The following CCT4 variants were observed in gnomAD, a reference collection of about 807,000 sequenced individuals.
CCT4 encodes T-complex protein 1 subunit delta.
A neutral mutation model predicts 62.5 loss-of-function variants in CCT4; 17 were observed. The ratio of observed to expected loss-of-function variants is 0.27; its 90% CI spans 0.19 to 0.41. The LOEUF (loss-of-function observed/expected upper bound fraction) is 0.41, where lower values mean the gene tolerates loss of function less well. Among genes scored for constraint, CCT4 ranks in the 10% least tolerant of loss-of-function variants. The pLI is 1.00. For missense variants in CCT4, 592 were observed against 659.2 expected (o/e 0.90, Z 1.12); for synonymous variants, 250 against 229.9 (o/e 1.09, Z -0.79).
At position 61,885,080 on chromosome 2, in the gene CCT4, TGGGG is replaced by T; in HGVS notation, c.128-12_128-9del. On this transcript the variant is annotated splice_polypyrimidine_tract_variant and intron_variant, in intron 1 of 13. Coordinates refer to ENST00000394440, the MANE Select transcript of CCT4 (RefSeq NM_006430.4). ...TAATAGCATCAGCAACCGCTGCAGA[TGGGG>T]GGGAAAAAAAAGAAAACAAATTAGA... 1.4e-6 allele frequency: 2 copies of T among 1,419,906 alleles called. No homozygotes were observed. Among genetic ancestry groups the T allele is most frequent in the Non-Finnish European group, 1.9e-6 (2 of 1,080,816 alleles). The allele number at this position is 1,419,906 out of a possible 1,614,324, so 88.0% of individuals were successfully genotyped here. A position where few individuals can be genotyped will look rare whatever the true frequency, so the allele number is the denominator to read the frequency against.
intron 3 of CCT4, among the ~76,000 whole-genome samples, chr2:61,882,665 ACC>A (rs1297105729): frequency 2.6e-5 from 4 of 151,884 alleles, no homozygotes; most frequent in Middle Eastern, 3.4e-3. Flanking sequence ...CGCACCACAC[ACC>A]CAACTATTAT....
At chr2:61,868,736 C>A (rs1668824292) in intron 13 of CCT4, 30 bp from the exon 14 acceptor site, 1 of 1,512,240 alleles carries the variant, frequency 6.6e-7, no homozygotes, top group Non-Finnish European at 9.2e-7. Context: ...GATTTCAAAA[C>A]CTGTAATGAC....
intron 5 of CCT4, 66 bp downstream of exon 5, chr2:61,878,803 C>A: frequency 9.2e-7 from 1 of 1,081,596 alleles, no homozygotes; most frequent in South Asian, 1.5e-5. Context: ...TACCGTATAG[C>A]ATCAAGAATC....
In CCT4 at chr2:61,872,578, C is replaced by A. The variant is rs568263579; in HGVS notation, c.1136G>T (p.Cys379Phe). Residue 379 changes from cysteine (C) to phenylalanine (F), a missense_variant, in exon 11 of 14, where the codon TGT (cysteine) becomes TTT (phenylalanine). Coordinates refer to ENST00000394440, the MANE Select transcript of CCT4 (RefSeq NM_006430.4). ...TGTAACTGTTTTTCCAGGGCTGGCA[C>A]AGCCTGTAATCTTCAGTAAACAAAT... ...GSGKLLKITG[C>F]ASPGKTVTIV... 14 of 1,613,644 alleles carry A rather than the reference C, an allele frequency of 8.7e-6. No individual in the cohort carries two copies. The highest frequency in any genetic ancestry group is 1.2e-5 in the Non-Finnish European group (14 of 1,179,902).
intron 1 of CCT4, 141 bp from the exon 2 acceptor site, chr2:61,885,213 G>A (rs1669224923): frequency 1.8e-6 from 1 of 541,520 alleles, no homozygotes; most frequent in South Asian, 2.8e-5. Flanking sequence ...GAATAGCTGG[G>A]AGTATGGGAA....
chr2:61,876,941 G>C lies in CCT4; in HGVS notation c.756C>G (p.Cys252Trp), dbSNP rs759555305. 1.8e-5 allele frequency: 29 copies of C among 1,612,608 alleles called. No individual in the cohort carries two copies. The highest frequency in any genetic ancestry group is 2.4e-5 in the Non-Finnish European group (28 of 1,179,544). Residue 252 changes from cysteine to tryptophan, a missense_variant, in exon 7 of 14, where the codon TGC (cysteine) becomes TGG (tryptophan). Cys to Trp is a radical substitution (Grantham distance 215). Coordinates refer to ENST00000394440, the MANE Select transcript of CCT4 (RefSeq NM_006430.4). Reference sequence around the variant, plus strand: ...TTACGTCTGTTTTGGGAGCAGATAAGCAAAACTGAATAAGCCCAATCTTGG... The same window carrying C: ...TTACGTCTGTTTTGGGAGCAGATAACCAAAACTGAATAAGCCCAATCTTGG... ...EKAKIGLIQF[C>W]LSAPKTDMDN...
chr2:61,868,699 G>T lies in CCT4; in HGVS notation c.1613C>A (p.Thr538Asn). 1.3e-6 allele frequency: 2 copies of T among 1,591,810 alleles called. No homozygotes were observed. Among genetic ancestry groups the T allele is most frequent in the Non-Finnish European group, 1.7e-6 (2 of 1,159,884 alleles). ...SILKIDDVVN[T>N]R is the part of the protein sequence containing the mutation. The stretch of plus-strand genomic sequence containing the variant: ...GCTAGTCAGTTATCCAGATTATCGA[G>T]TGTTTACCTGATAAGAGAAAAACTT... Residue 538 changes from threonine (T) to asparagine (N), a missense_variant, in exon 14 of 14, where the codon ACT (threonine) becomes AAT (asparagine). Physicochemically the swap from Thr to Asn is moderately conservative, Grantham distance 65. Transcript: ENST00000394440.
chr2:61,884,076 TCA>T (rs1669182059), intron 2 of CCT4, among the ~76,000 whole-genome samples: 1 of 149,564 alleles, frequency 6.7e-6, no homozygotes, highest in African/African-American at 2.4e-5. Flanking sequence ...TTGTTTTATC[TCA>T]CAGAGACCCA....
At position 61,888,384 on chromosome 2, in the gene CCT4, T is replaced by C. The variant is rs760492700; in HGVS notation, c.124A>G (p.Lys42Glu). The C allele has an allele frequency of 4.3e-6, 7 of 1,612,792 alleles. No homozygotes were observed. Among genetic ancestry groups the C allele is most frequent in the Non-Finnish European group, 5.9e-6 (7 of 1,179,504 alleles). Reference protein sequence around the residue: ...QIRFSNISAAKAVADAIRTSL... With the variant: ...QIRFSNISAAEAVADAIRTSL... Reference sequence around the variant, plus strand: ...GGTCAGGCCATGAGAGTGATACCTTTGGCGGCGGAAATGTTGCTGAAGCGG... The same window carrying C: ...GGTCAGGCCATGAGAGTGATACCTTCGGCGGCGGAAATGTTGCTGAAGCGG... Residue 42 changes from lysine to glutamate, a missense_variant, in exon 1 of 14, where the codon AAA (lysine) becomes GAA (glutamate). Around this residue, in one of 3 missense-constraint regions of CCT4, gnomAD observed 67 missense variants for 71.1 expected, o/e 0.94. Coordinates refer to ENST00000394440, the MANE Select transcript of CCT4 (RefSeq NM_006430.4).
At chr2:61,884,904 G>T in intron 2 of CCT4, 116 bp downstream of exon 2, 1 of 826,804 alleles carries the variant, frequency 1.2e-6, no homozygotes. Flanking sequence ...GGGATTATAG[G>T]TGTGAGCCAC....
At chr2:61,878,208 G>C (rs78648322) in intron 5 of CCT4, among the ~76,000 whole-genome samples, 12,845 of 152,250 alleles carry the variant, frequency 0.084, 741 homozygotes, top group Non-Finnish European at 0.12. Flanking sequence ...AAAGGAAAAA[G>C]GATTAGGGGA....
At chr2:61,885,597 A>C (rs1054709736) in intron 1 of CCT4, 3 of 152,138 alleles carry the variant, frequency 2.0e-5, no homozygotes, top group Non-Finnish European at 4.4e-5. Flanking sequence ...ATTTTTTAGT[A>C]GAGATGGGGT....
intron 9 of CCT4, 36 bp downstream of exon 9, chr2:61,873,161 A>C (rs767449319): frequency 6.8e-7 from 1 of 1,460,914 alleles, no homozygotes; most frequent in Admixed American, 1.7e-5. Context: ...TCTAATTATC[A>C]GACATTTTCC....
chr2:61,886,805 G>C (rs1179064827), intron 1 of CCT4, among the ~76,000 whole-genome samples: 2 of 151,676 alleles, frequency 1.3e-5, no homozygotes, highest in Non-Finnish European at 2.9e-5. Context: ...CGTCACCCTG[G>C]CTGGAGTGCA....
intron 1 of CCT4, 115 bp from the exon 2 acceptor site, chr2:61,885,187 C>G (rs1021749039): frequency 1.1e-5 from 7 of 621,042 alleles, no homozygotes; most frequent in African/African-American, 2.0e-5. Context: ...AGCAACCCTC[C>G]CACCTCAGCC....
chr2:61,878,652 A>G (rs910940109), intron 5 of CCT4, among the ~76,000 whole-genome samples: 3 of 152,214 alleles, frequency 2.0e-5, no homozygotes, highest in Non-Finnish European at 4.4e-5. Context: ...TTAAACAGAA[A>G]AGTGGAAATG....
At position 61,873,084 on chromosome 2, in the gene CCT4, A is replaced by G. The variant is rs1440991956; in HGVS notation, c.1043T>C (p.Ile348Thr). The part of the protein sequence containing the change: ...KTIGTKPVAH[I>T]DQFTADMLGS... ...CAGCATGTCAGCAGTAAATTGGTCA[A>G]TATGAGCAACTGGCTTGGTTCCAAT... The change falls in exon 10 of 14, where the codon ATT becomes ACT. Residue 348 changes from isoleucine to threonine, a missense_variant. Around this residue, in one of 3 missense-constraint regions of CCT4, gnomAD observed 522 missense variants for 571.2 expected, o/e 0.91. Transcript: ENST00000394440. The G allele has an allele frequency of 1.2e-6, 2 of 1,611,902 alleles. No individual in the cohort carries two copies. Among genetic ancestry groups the G allele is most frequent in the Non-Finnish European group, 1.7e-6 (2 of 1,177,880 alleles).
At position 61,883,441 on chromosome 2, in the gene CCT4, A is replaced by G; in HGVS notation, c.270+18T>C. 1 of 1,155,086 alleles carries G rather than the reference A, an allele frequency of 8.7e-7. No individual in the cohort carries two copies. The highest frequency in any genetic ancestry group is 1.2e-6 in the Non-Finnish European group (1 of 807,536). The allele number at this position is 1,155,086 out of a possible 1,614,324, so 71.6% of individuals were successfully genotyped here. On this transcript the variant is annotated intron_variant, in intron 3 of 13. Transcript: ENST00000394440. ...CAAAAAAAAAAAAAAAAAAAGACTC[A>G]CCTAAAATTACACTTACCATTCTGG...
At position 61,880,299 on chromosome 2, in the gene CCT4, C is replaced by T; in HGVS notation, c.366G>A (p.Lys122=). The T allele has an allele frequency of 3.8e-6, 6 of 1,563,938 alleles. No homozygotes were observed. The highest frequency in any genetic ancestry group is 5.2e-6 in the Non-Finnish European group (6 of 1,151,582). ...CATCCTACCCACCTTTCTGAAGAAG[C>T]TTGGTACAAGAATCTAAGAGGGAGC... ...IAGSLLDSCT[K]LLQKGIHPTI... Residue 122 remains lysine, a synonymous_variant, in exon 4 of 14, where the codon AAG becomes AAA. Coordinates refer to ENST00000394440, the MANE Select transcript of CCT4 (RefSeq NM_006430.4).
Sources: gnomAD v4.1 joint callset for allele counts (sites outside exome capture counted in the v4.1 genomes callset) on GRCh38, gnomAD v4.1.1 for gene constraint, gnomAD v4.1.1 regional missense constraint, MANE v1.5 for transcripts, NCBI Gene and HGNC (gene_info 2026-07-23, HGNC 2026-07-21) for gene names.